The following MAML3 variants were observed in gnomAD, a reference collection of about 807,000 sequenced individuals.
MAML3 encodes mastermind-like protein 3.
Under a neutral mutation model 101.9 loss-of-function variants are expected in MAML3, and 27 were observed. That is an observed-to-expected ratio of 0.27 (90% CI 0.20 to 0.37). The LOEUF (loss-of-function observed/expected upper bound fraction) is 0.37, where lower values mean the gene tolerates loss of function less well. MAML3 is among the 10% of genes least tolerant of loss of function. The pLI is 1.00. For synonymous variants in MAML3, 501 were observed against 555.9 expected, an observed-to-expected ratio of 0.90 and a Z score of 1.39; for missense variants, 1,316 against 1,444.9, an observed-to-expected ratio of 0.91 and a Z score of 1.45.
intron 2 of MAML3, among the ~76,000 whole-genome samples, chr4:139,845,906 G>A (rs1026232766): frequency 9.2e-5 from 14 of 152,214 alleles, no homozygotes; most frequent in African/African-American, 3.4e-4. Flanking sequence ...TCTTGAGTCA[G>A]AGTAAGGTTT....
At chr4:139,906,014 G>T (rs116551622) in intron 1 of MAML3, among the ~76,000 whole-genome samples, 1 of 152,072 alleles carries the variant, frequency 6.6e-6, no homozygotes, top group South Asian at 2.1e-4. Context: ...CATCCTTAAC[G>T]TACATATCAA....
intron 1 of MAML3, among the ~76,000 whole-genome samples, chr4:139,969,108 C>T (rs1182734221): frequency 6.6e-6 from 1 of 151,680 alleles, no homozygotes; most frequent in Non-Finnish European, 1.5e-5. Context: ...GGTGAATGGT[C>T]CAGGAACTCA....
At chr4:139,748,610 T>C (rs1304730520) in intron 2 of MAML3, among the ~76,000 whole-genome samples, 2 of 151,956 alleles carry the variant, frequency 1.3e-5, no homozygotes, top group African/African-American at 4.8e-5. Flanking sequence ...TCCGGCTCAG[T>C]CCCCCAAATC....
chr4:139,990,798 A>G (rs1262228119), intron 1 of MAML3, among the ~76,000 whole-genome samples: 6 of 152,218 alleles, frequency 3.9e-5, no homozygotes, highest in Non-Finnish European at 2.9e-5. Context: ...ACTCCCAGTC[A>G]CAATTGCTTC....
At chr4:139,865,719 C>A (rs1023835199) in intron 2 of MAML3, among the ~76,000 whole-genome samples, 9 of 152,332 alleles carry the variant, frequency 5.9e-5, no homozygotes, top group Admixed American at 1.3e-4. Flanking sequence ...TCTGCAGTTA[C>A]GCCTTAGACA....
chr4:139,930,785 T>C (rs1198175518), intron 1 of MAML3, among the ~76,000 whole-genome samples: 1 of 152,168 alleles, frequency 6.6e-6, no homozygotes, highest in Non-Finnish European at 1.5e-5. Context: ...TCTGTACTTA[T>C]TTACTAGTTT....
intron 2 of MAML3, among the ~76,000 whole-genome samples, chr4:139,798,883 A>G (rs1052141930): frequency 2.0e-5 from 3 of 152,204 alleles, no homozygotes; most frequent in Non-Finnish European, 4.4e-5. Flanking sequence ...TCTCATCCTG[A>G]TGTCCTACCA....
intron 1 of MAML3, among the ~76,000 whole-genome samples, chr4:139,925,563 C>CA (rs1033059507): frequency 3.3e-5 from 5 of 150,988 alleles, no homozygotes; most frequent in African/African-American, 4.9e-5. Flanking sequence ...ATAAAGTGGC[C>CA]AAAAAAAACA....
At chr4:139,765,533 C>T (rs966140329) in intron 2 of MAML3, among the ~76,000 whole-genome samples, 1 of 152,228 alleles carries the variant, frequency 6.6e-6, no homozygotes, top group Non-Finnish European at 1.5e-5. Context: ...ATCATATTTT[C>T]AGCCTCTGAA....
chr4:140,104,315 G>T (rs1453680774), intron 1 of MAML3, among the ~76,000 whole-genome samples: 3 of 103,190 alleles, frequency 2.9e-5, no homozygotes, highest in African/African-American at 1.2e-4. Flanking sequence ...AGCTCAGGAG[G>T]TCAAGGCTGC....
intron 1 of MAML3, among the ~76,000 whole-genome samples, chr4:139,952,963 C>T (rs1432965372): frequency 3.9e-5 from 6 of 152,136 alleles, no homozygotes; most frequent in Non-Finnish European, 7.3e-5. Flanking sequence ...TGTTGGATGA[C>T]AGAGAAAAAA....
At chr4:139,792,234 T>A (rs1158479749) in intron 2 of MAML3, among the ~76,000 whole-genome samples, 1 of 152,212 alleles carries the variant, frequency 6.6e-6, no homozygotes, top group East Asian at 1.9e-4. Context: ...CTCAAACTCA[T>A]AGTAGATTAA....
intron 2 of MAML3, among the ~76,000 whole-genome samples, chr4:139,761,256 G>A (rs566159461): frequency 8.0e-4 from 121 of 152,100 alleles, no homozygotes; most frequent in African/African-American, 2.3e-3. Flanking sequence ...CGCTACACCC[G>A]GCCCTAGAGG....
chr4:140,140,052 G>A (rs1412302338), intron 1 of MAML3, among the ~76,000 whole-genome samples: 8 of 152,184 alleles, frequency 5.3e-5, no homozygotes, highest in Non-Finnish European at 1.2e-4. Context: ...GGCCGGACGC[G>A]GTGGCTCACG....
intron 1 of MAML3, among the ~76,000 whole-genome samples, chr4:140,061,297 T>G (rs1057105812): frequency 2.6e-5 from 4 of 152,082 alleles, no homozygotes; most frequent in Admixed American, 2.6e-4. Flanking sequence ...ACCAAGGAGA[T>G]TTATCAGAGA....
chr4:139,758,531 G>T (rs1274652011), intron 2 of MAML3, among the ~76,000 whole-genome samples: 2 of 152,126 alleles, frequency 1.3e-5, no homozygotes, highest in Admixed American at 1.3e-4. Context: ...CTGAAACCTC[G>T]ATTTGTATGA....
intron 1 of MAML3, among the ~76,000 whole-genome samples, chr4:139,913,874 C>T (rs551501752): frequency 6.6e-6 from 1 of 152,280 alleles, no homozygotes; most frequent in African/African-American, 2.4e-5. Flanking sequence ...CCCTGGCTGC[C>T]CACTTGCTCT....
intron 1 of MAML3, among the ~76,000 whole-genome samples, chr4:139,912,691 G>A (rs921194722): frequency 2.6e-5 from 4 of 152,240 alleles, no homozygotes; most frequent in Non-Finnish European, 4.4e-5. Context: ...GGAGAGTGCC[G>A]TTTGACGGCG....
intron 2 of MAML3, among the ~76,000 whole-genome samples, chr4:139,879,607 C>T (rs747018457): frequency 1.7e-4 from 17 of 102,256 alleles, no homozygotes; most frequent in Non-Finnish European, 2.5e-4. Context: ...AGAAAATGGT[C>T]GTGGTGGTGA....
Sources: allele counts gnomAD v4.1 joint callset (sites outside exome capture counted in the v4.1 genomes callset), GRCh38; gene constraint gnomAD v4.1.1; transcripts MANE v1.5; gene names NCBI Gene and HGNC (gene_info 2026-07-23, HGNC 2026-07-21).